The following SLC17A5 variants were observed in gnomAD, a reference collection of about 807,000 sequenced individuals.
SLC17A5 encodes the protein sialin.
A neutral mutation model predicts 59.4 loss-of-function variants in SLC17A5; 47 were observed. The observed-to-expected ratio is 0.79, with a 90% CI of 0.63 to 1.01. SLC17A5 has a LOEUF of 1.01. Ranked by LOEUF, SLC17A5 falls within the 50% of genes least tolerant of loss-of-function variation. SLC17A5 has a pLI of 0.00. For missense variants in SLC17A5, 522 were observed against 595.5 expected (o/e 0.88, Z 1.28); for synonymous variants, 202 against 210.7 (o/e 0.96, Z 0.36).
chr6:73,633,176 ATTTTTT>A (rs57624307), intron 6 of SLC17A5, among the ~76,000 whole-genome samples: 1 of 124,940 alleles, frequency 8.0e-6, no homozygotes, highest in Non-Finnish European at 1.7e-5. Flanking sequence ...ACTTGTATTA[ATTTTTT>A]TTTTTTTTTT....
intron 9 of SLC17A5, among the ~76,000 whole-genome samples, chr6:73,606,695 A>G (rs1767406074): frequency 6.6e-6 from 1 of 152,188 alleles, no homozygotes; most frequent in Non-Finnish European, 1.5e-5. Flanking sequence ...TACAGATGCC[A>G]GCAGGAATCA....
chr6:73,651,684 A>T (rs1769875923), intron 1 of SLC17A5, among the ~76,000 whole-genome samples: 1 of 151,366 alleles, frequency 6.6e-6, no homozygotes, highest in Non-Finnish European at 1.5e-5. Context: ...CTGGGACTAC[A>T]GGCACCCGCC....
intron 10 of SLC17A5, 75 bp from the exon 11 acceptor site, chr6:73,595,289 C>T: frequency 1.3e-6 from 2 of 1,533,036 alleles, no homozygotes; most frequent in Non-Finnish European, 8.9e-7. Context: ...GATAGTGTCA[C>T]AAGAGTGTTA....
At chr6:73,639,558 C>T (rs1769178322) in intron 3 of SLC17A5, among the ~76,000 whole-genome samples, 1 of 151,976 alleles carries the variant, frequency 6.6e-6, no homozygotes. Context: ...TTTGGAAATG[C>T]CCACAGAGAT....
chr6:73,639,074 T>TA (rs1769156613), intron 3 of SLC17A5, among the ~76,000 whole-genome samples: 1 of 152,184 alleles, frequency 6.6e-6, no homozygotes, highest in Non-Finnish European at 1.5e-5. Flanking sequence ...ACAGTCCTAT[T>TA]AAAAAAAGGA....
chr6:73,637,169 G>C (rs1301032505), intron 4 of SLC17A5, among the ~76,000 whole-genome samples: 1 of 152,112 alleles, frequency 6.6e-6, no homozygotes. Context: ...CAAAGGAATG[G>C]AAGTAGTAAA....
intron 1 of SLC17A5, chr6:73,645,342 T>C: frequency 1.0e-6 from 1 of 985,440 alleles, no homozygotes; most frequent in Non-Finnish European, 1.2e-6. Flanking sequence ...GATTAATACT[T>C]AAAGCCATCG....
chr6:73,645,982 C>T (rs1277240199), intron 1 of SLC17A5, among the ~76,000 whole-genome samples: 1 of 152,004 alleles, frequency 6.6e-6, no homozygotes, highest in Non-Finnish European at 1.5e-5. Context: ...GGATAATCAA[C>T]CTCTTAGTAA....
chr6:73,645,777 G>C (rs1291895332), intron 1 of SLC17A5, among the ~76,000 whole-genome samples: 1 of 120,280 alleles, frequency 8.3e-6, no homozygotes, highest in Non-Finnish European at 1.6e-5. Context: ...GACAGAGACA[G>C]AGACTCCGTC....
chr6:73,623,104 T>G (rs943195341), intron 6 of SLC17A5, among the ~76,000 whole-genome samples: 2 of 152,142 alleles, frequency 1.3e-5, no homozygotes, highest in African/African-American at 4.8e-5. Flanking sequence ...TGGCATGATC[T>G]CGGCTCACTG....
chr6:73,630,612 C>T (rs1768655684), intron 6 of SLC17A5, among the ~76,000 whole-genome samples: 1 of 152,110 alleles, frequency 6.6e-6, no homozygotes, highest in African/African-American at 2.4e-5. Flanking sequence ...CCTCTGTGAC[C>T]TGACTTCCAG....
chr6:73,648,011 G>A (rs1769665500), intron 1 of SLC17A5, among the ~76,000 whole-genome samples: 1 of 152,170 alleles, frequency 6.6e-6, no homozygotes, highest in Non-Finnish European at 1.5e-5. Context: ...GGAGGTTGCA[G>A]TGAGCCGAGA....
At chr6:73,629,048 A>G (rs183908491) in intron 6 of SLC17A5, among the ~76,000 whole-genome samples, 23 of 152,328 alleles carry the variant, frequency 1.5e-4, no homozygotes, top group Admixed American at 6.5e-5. Context: ...GCAAAATTGT[A>G]TACTCTTCCT....
At chr6:73,607,935 C>T (rs889371717) in intron 9 of SLC17A5, among the ~76,000 whole-genome samples, 2 of 151,694 alleles carry the variant, frequency 1.3e-5, no homozygotes, top group Non-Finnish European at 2.9e-5. Context: ...TGCCATCACA[C>T]CCTGCTAATT....
intron 9 of SLC17A5, among the ~76,000 whole-genome samples, chr6:73,608,112 TATA>T (rs1418191114): frequency 6.6e-6 from 1 of 152,176 alleles, no homozygotes; most frequent in African/African-American, 2.4e-5. Context: ...CTTCATGTGT[TATA>T]ATGGATGTTA....
At chr6:73,613,107 G>A (rs1279332332) in intron 8 of SLC17A5, among the ~76,000 whole-genome samples, 1 of 152,056 alleles carries the variant, frequency 6.6e-6, no homozygotes, top group Admixed American at 6.6e-5. Context: ...TGGGTTCTTT[G>A]AGTTCTTTGA....
Position 73,621,829 on chromosome 6 carries a change from T to G in SLC17A5, c.953A>C (p.Glu318Ala). The change falls in exon 7 of 11, where the codon GAG (glutamate) becomes GCG (alanine). Residue 318 changes from glutamate to alanine, a missense_variant. This residue lies in a region of SLC17A5 where 31 missense variants were observed against 63.2 expected (regional missense o/e 0.49). Coordinates refer to ENST00000355773, the MANE Select transcript of SLC17A5 (RefSeq NM_012434.5). ...CTCTTGAACATTGAACCTTAGGATCTCCTTCATATAAGTAGGCAATAATGT... is the reference window on the plus strand; with the variant it reads ...CTCTTGAACATTGAACCTTAGGATCGCCTTCATATAAGTAGGCAATAATGT... ...LLTLLPTYMK[E>A]ILRFNVQENG... is the part of the protein sequence containing the mutation. 1 of 1,611,800 alleles carries G rather than the reference T, an allele frequency of 6.2e-7. No individual in the cohort carries two copies. The highest frequency in any genetic ancestry group is 8.5e-7 in the Non-Finnish European group (1 of 1,177,906).
chr6:73,644,924 T>C (rs1372737536), intron 1 of SLC17A5, among the ~76,000 whole-genome samples: 1 of 152,232 alleles, frequency 6.6e-6, no homozygotes, highest in African/African-American at 2.4e-5. Context: ...CTGTTTCTCA[T>C]ATCTGTAGTT....
chr6:73,653,946 G>A lies in SLC17A5; in HGVS notation c.-60C>T. ...CAGAGAAGGGAGCGCCGGCCCGACA[G>A]CCCGAAGCCCCCGGGCCGAGCTGGC... On this transcript the variant is annotated 5_prime_UTR_variant, in exon 1 of 11. Transcript: ENST00000355773. The A allele has an allele frequency of 6.9e-7, 1 of 1,445,404 alleles. No individual in the cohort carries two copies. Among genetic ancestry groups the A allele is most frequent in the Non-Finnish European group, 9.5e-7 (1 of 1,054,962 alleles). 89.5% of individuals were successfully genotyped at this position (1,445,404 alleles called of 1,614,324 possible). A position where few individuals can be genotyped will look rare whatever the true frequency, so the allele number is the denominator to read the frequency against.
Sources: gnomAD v4.1 joint callset for allele counts (sites outside exome capture counted in the v4.1 genomes callset) on GRCh38, gnomAD v4.1.1 for gene constraint, gnomAD v4.1.1 regional missense constraint, MANE v1.5 for transcripts, NCBI Gene and HGNC (gene_info 2026-07-23, HGNC 2026-07-21) for gene names.